LINGO1: variants seen among roughly 807,000 people sequenced by gnomAD.
The protein encoded by LINGO1 is leucine rich repeat and Ig domain containing 1.
LINGO1 carries 11 observed loss-of-function variants against 37.3 expected under a neutral mutation model. The ratio of observed to expected loss-of-function variants is 0.29; its 90% confidence interval spans 0.19 to 0.49. LINGO1 has a LOEUF of 0.49. LINGO1 is among the 20% of genes least tolerant of loss of function. The pLI is 0.99. For missense variants in LINGO1, 585 were observed against 878.2 expected (o/e 0.67, Z 4.22); for synonymous variants, 387 against 403.0 (o/e 0.96, Z 0.48).
At chr15:77,784,606 T>G (rs2076753509) in intron 1 of LINGO1, 1 of 152,256 alleles carries the variant, frequency 6.6e-6, no homozygotes, top group South Asian at 2.1e-4. Context: ...ATTTAGGACA[T>G]GCCTGAGTGT....
intron 3 of LINGO1, among the ~76,000 whole-genome samples, chr15:77,641,230 G>A (rs2074498663): frequency 6.6e-6 from 1 of 152,230 alleles, no homozygotes; most frequent in Non-Finnish European, 1.5e-5. Context: ...TCTCGCCCAG[G>A]TAGGGTGGCT....
chr15:77,739,186 G>A (rs1051997661), intron 1 of LINGO1, among the ~76,000 whole-genome samples: 1 of 152,234 alleles, frequency 6.6e-6, no homozygotes. Context: ...TGGTGCCGCT[G>A]CCAGGCAGCC....
At chr15:77,655,738 C>G (rs763963509) in intron 3 of LINGO1, among the ~76,000 whole-genome samples, 20 of 152,226 alleles carry the variant, frequency 1.3e-4, no homozygotes. Context: ...ACACCCAGGT[C>G]TGTCTACCCC....
rs1320453670 is a variant in LINGO1, at chr15:77,632,038, G to A, written c.6+272C>T. 2.0e-5 allele frequency among the ~76,000 whole-genome samples: 3 copies of A among 152,234 alleles called. No individual in the cohort carries two copies. In the East Asian group the frequency reaches 5.8e-4, roughly 29 times the overall value. On this transcript the variant is annotated intron_variant, in intron 1 of 1. Transcript: ENST00000355300. The surrounding 1 kb of genome is among the most constrained non-coding windows in gnomAD (Gnocchi z 6.0). The stretch of plus-strand genomic sequence containing the variant: ...GGACAGGAAGGGGAGACCAGAGCAG[G>A]TCTGGGACACCCGTGGGGGCCCCTC...
chr15:77,787,244 C>T (rs2076780608), upstream of LINGO1: 1 of 152,358 alleles, frequency 6.6e-6, no homozygotes, highest in Admixed American at 6.5e-5. Context: ...ATCCAGAGCG[C>T]ACGGTCGGGC....
At chr15:77,648,094 A>T (rs906341051) in intron 3 of LINGO1, 27 of 361,364 alleles carry the variant, frequency 7.5e-5, no homozygotes, top group African/African-American at 5.3e-4. Flanking sequence ...CTTTGGTATC[A>T]GGTGTGGATA....
intron 2 of LINGO1, among the ~76,000 whole-genome samples, chr15:77,727,875 C>T (rs886523741): frequency 2.0e-5 from 3 of 152,284 alleles, no homozygotes; most frequent in Admixed American, 1.3e-4. Flanking sequence ...ATTCAAAGCC[C>T]TTTTGCCTGG....
At chr15:77,762,119 T>C (rs970521741) in intron 1 of LINGO1, among the ~76,000 whole-genome samples, 8 of 152,194 alleles carry the variant, frequency 5.3e-5, no homozygotes, top group African/African-American at 1.9e-4. Flanking sequence ...TTCCTGGTAC[T>C]TGAGGGTGAA....
intron 1 of LINGO1, among the ~76,000 whole-genome samples, chr15:77,812,692 C>A: frequency 6.6e-6 from 1 of 151,834 alleles, no homozygotes; most frequent in East Asian, 2.0e-4. Context: ...AATGGCCAGG[C>A]TCACCTCCGT....
intron 2 of LINGO1, among the ~76,000 whole-genome samples, chr15:77,705,935 A>G (rs1400736693): frequency 1.3e-5 from 2 of 152,094 alleles, no homozygotes; most frequent in Non-Finnish European, 2.9e-5. Context: ...CTCTTCTCAA[A>G]TGCAAGCTGA....
chr15:77,811,146 C>T (rs1461513204), intron 1 of LINGO1, among the ~76,000 whole-genome samples: 3 of 151,984 alleles, frequency 2.0e-5, no homozygotes, highest in Non-Finnish European at 2.9e-5. Flanking sequence ...ACCACCTTCC[C>T]GGTTGCTCCC....
intron 1 of LINGO1, among the ~76,000 whole-genome samples, chr15:77,783,097 TGCCTGGATGCCCATC>T (rs1021491970): frequency 7.9e-5 from 12 of 152,242 alleles, no homozygotes; most frequent in Non-Finnish European, 1.3e-4. Flanking sequence ...CAGAGAGGCC[TGCCTGGATGCCCATC>T]GCCTGGATGC....
At position 77,615,342 on chromosome 15, in the gene LINGO1, C is replaced by T. The variant is rs773238169; in HGVS notation, c.565G>A (p.Gly189Ser). ...LVYISHRAFS[G>S]LNSLEQLTLE... ...GTCAGCTGCTCCAGGCTGTTGAGGC[C>T]GCTGAAGGCGCGGTGAGAGATGTAG... is the stretch of plus-strand genomic sequence containing the variant. The change falls in exon 2 of 2, where the codon GGC becomes AGC. Residue 189 changes from glycine to serine, a missense_variant. By Grantham distance (56) the Gly-to-Ser change is moderately conservative. Transcript: ENST00000355300. The T allele has an allele frequency of 1.2e-6, 2 of 1,613,858 alleles. No individual in the cohort carries two copies. Among genetic ancestry groups the T allele is most frequent in the Admixed American group, 1.7e-5 (1 of 60,028 alleles).
intron 1 of LINGO1, among the ~76,000 whole-genome samples, chr15:77,762,834 T>G (rs2076490927): frequency 6.6e-6 from 1 of 152,072 alleles, no homozygotes; most frequent in Non-Finnish European, 1.5e-5. Context: ...ACCTCTTCCC[T>G]GCCCCAGGGC....
At chr15:77,702,680 C>T (rs758354796) in intron 2 of LINGO1, among the ~76,000 whole-genome samples, 6 of 152,082 alleles carry the variant, frequency 3.9e-5, no homozygotes, top group Non-Finnish European at 7.4e-5. Flanking sequence ...GGTTCAGCAC[C>T]CCGGACAGCT....
At chr15:77,661,728 T>G (rs2074997931) in intron 3 of LINGO1, among the ~76,000 whole-genome samples, 1 of 152,186 alleles carries the variant, frequency 6.6e-6, no homozygotes, top group African/African-American at 2.4e-5. Context: ...ACCCTCTGCT[T>G]CTTTTTCCCT....
At chr15:77,628,188 C>G (rs1596008067) in intron 1 of LINGO1, among the ~76,000 whole-genome samples, 1 of 152,202 alleles carries the variant, frequency 6.6e-6, no homozygotes, top group East Asian at 1.9e-4. Context: ...ACATGCCCTA[C>G]AGGCCAGCAA....
intron 3 of LINGO1, among the ~76,000 whole-genome samples, chr15:77,653,423 G>C (rs939619532): frequency 2.6e-5 from 4 of 152,222 alleles, no homozygotes; most frequent in African/African-American, 9.7e-5. Context: ...CCCCAGCCTG[G>C]TGGGCCATCC....
intron 1 of LINGO1, among the ~76,000 whole-genome samples, chr15:77,777,461 ACAC>A (rs1567578647): frequency 4.4e-5 from 5 of 112,998 alleles, no homozygotes; most frequent in African/African-American, 1.8e-4. Context: ...ACATATACAC[ACAC>A]GCACACACAC....
Sources: gnomAD v4.1 joint callset for allele counts (sites outside exome capture counted in the v4.1 genomes callset) on GRCh38, gnomAD v4.1.1 for gene constraint, Gnocchi (gnomAD v3.1) non-coding constraint, MANE v1.5 for transcripts, NCBI Gene and HGNC (gene_info 2026-07-23, HGNC 2026-07-21) for gene names.